The following KLHL32 variants were observed in gnomAD, a reference collection of about 807,000 sequenced individuals.
KLHL32 encodes the protein kelch like family member 32.
A neutral mutation model predicts 64.8 loss-of-function variants in KLHL32; 35 were observed. The ratio of observed to expected loss-of-function variants is 0.54; its 90% CI spans 0.41 to 0.72. KLHL32 has a LOEUF of 0.72. Ranked by LOEUF, KLHL32 falls within the 30% of genes least tolerant of loss-of-function variation. The pLI is 0.00. For missense variants in KLHL32, 589 were observed against 768.5 expected (o/e 0.77, Z 2.76); for synonymous variants, 259 against 281.0 (o/e 0.92, Z 0.78).
chr6:97,082,698 C>G (rs1792760748), intron 5 of KLHL32, among the ~76,000 whole-genome samples: 1 of 151,984 alleles, frequency 6.6e-6, no homozygotes, highest in African/African-American at 2.4e-5. Context: ...GTGGGATATC[C>G]AAGAGACAGC....
At chr6:96,995,391 G>A (rs6922974) in intron 3 of KLHL32, among the ~76,000 whole-genome samples, 37,285 of 152,004 alleles carry the variant, frequency 0.25, 5,909 homozygotes, top group East Asian at 0.53. Context: ...CTTGCTTAGA[G>A]CATTCCAGTA....
At chr6:96,902,787 G>C in the KLHL32 span, among the ~76,000 whole-genome samples, 1 of 152,134 alleles carries the variant, frequency 6.6e-6, no homozygotes, top group African/African-American at 2.4e-5. Context: ...AAGGGGTCCA[G>C]TTTTAATTTT....
intron 3 of KLHL32, chr6:97,010,369 C>T (rs1780241643): frequency 6.6e-6 from 1 of 152,106 alleles, no homozygotes; most frequent in African/African-American, 2.4e-5. Context: ...GTCTGTCTCT[C>T]CCTCTCCCCC....
intron 4 of KLHL32, among the ~76,000 whole-genome samples, chr6:97,056,326 T>C (rs141326473): frequency 0.05 from 7,635 of 152,022 alleles, 359 homozygotes; most frequent in East Asian, 0.24. Context: ...AGGATGGTCT[T>C]GATCTCCTGA....
chr6:97,031,341 A>G lies in KLHL32; in HGVS notation c.205-10151A>G, dbSNP rs556215144. 2.9e-3 allele frequency among the ~76,000 whole-genome samples: 422 copies of G among 147,368 alleles called. 3 individuals carry two copies. Among genetic ancestry groups the G allele is most frequent in the African/African-American group, 9.9e-3 (401 of 40,328 alleles). On this transcript the variant is annotated intron_variant, in intron 3 of 10. Coordinates refer to ENST00000369261, the MANE Select transcript of KLHL32 (RefSeq NM_052904.4). The stretch of plus-strand genomic sequence containing the variant: ...AAATTATAAGCATTAAGTTTTTAAC[A>G]TTTTTTTTTTTTGAGATAGAGTCTC...
intron 6 of KLHL32, among the ~76,000 whole-genome samples, chr6:97,100,512 C>T (rs1022447429): frequency 6.6e-6 from 1 of 152,206 alleles, no homozygotes. Flanking sequence ...CCATGCCAGT[C>T]TCTGTGCCCC....
intron 6 of KLHL32, 140 bp from the exon 7 acceptor site, chr6:97,113,643 A>G (rs1797467620): frequency 8.5e-7 from 1 of 1,173,500 alleles, no homozygotes. Context: ...TGGGCTTCAA[A>G]ATATTCCAGT....
intron 5 of KLHL32, among the ~76,000 whole-genome samples, chr6:97,080,709 G>A (rs1295480776): frequency 1.3e-5 from 2 of 152,184 alleles, no homozygotes; most frequent in Admixed American, 6.5e-5. Context: ...GGATACAGTG[G>A]TGAACAAACC....
chr6:97,037,400 A>C (rs1353282327), intron 3 of KLHL32, among the ~76,000 whole-genome samples: 6 of 137,178 alleles, frequency 4.4e-5, no homozygotes, highest in Non-Finnish European at 9.1e-5. Context: ...TGAGGATAAA[A>C]AAATAACATT....
At chr6:97,113,097 A>G (rs1032657206) in intron 6 of KLHL32, among the ~76,000 whole-genome samples, 1 of 152,152 alleles carries the variant, frequency 6.6e-6, no homozygotes, top group African/African-American at 2.4e-5. Flanking sequence ...GACTCTAACA[A>G]ATTTCCAGTA....
intron 4 of KLHL32, among the ~76,000 whole-genome samples, chr6:97,043,143 A>G (rs537781389): frequency 1.3e-5 from 2 of 152,352 alleles, no homozygotes; most frequent in South Asian, 2.1e-4. Context: ...CTGCAGAACC[A>G]TAAGCCAAAT....
intron 8 of KLHL32, 110 bp from the exon 9 acceptor site, chr6:97,130,647 A>G: frequency 1.4e-6 from 1 of 734,354 alleles, no homozygotes; most frequent in Admixed American, 3.0e-5. Context: ...CAGAATGTTG[A>G]TCTATTGATT....
At chr6:97,083,749 C>T (rs1432683098) in intron 5 of KLHL32, among the ~76,000 whole-genome samples, 2 of 152,138 alleles carry the variant, frequency 1.3e-5, no homozygotes, top group East Asian at 1.9e-4. Flanking sequence ...CTTTTTATAA[C>T]TAGAAATGGC....
the KLHL32 span, among the ~76,000 whole-genome samples, chr6:96,901,426 C>T: frequency 6.6e-6 from 1 of 151,546 alleles, no homozygotes; most frequent in Non-Finnish European, 1.5e-5. Context: ...GTCACATTTC[C>T]TTCTCTGTGA....
Position 97,064,485 on chromosome 6 carries a change from G to C in KLHL32, c.313-143G>C, listed in dbSNP as rs1019949261. The C allele has an allele frequency of 6.3e-6, 4 of 637,808 alleles. No homozygotes were observed. The African/African-American group carries it at 7.4e-5, about 12-fold the overall frequency. The allele number at this position is 637,808 out of a possible 1,614,324, so 39.5% of individuals were successfully genotyped here. A position where few individuals can be genotyped will look rare whatever the true frequency, so the allele number is the denominator to read the frequency against. On this transcript the variant is annotated intron_variant, in intron 4 of 10. Transcript: ENST00000369261. The stretch of plus-strand genomic sequence containing the variant: ...TAATCAGAACAGGAAGAGAAGAACT[G>C]ACTTCCATAAAAAGGAACAGTGTTA...
chr6:96,965,174 T>G (rs1774318224), intron 1 of KLHL32, among the ~76,000 whole-genome samples: 1 of 152,216 alleles, frequency 6.6e-6, no homozygotes, highest in Non-Finnish European at 1.5e-5. Context: ...AAGGACAAGA[T>G]TTTCTTCTTT....
At position 97,063,116 on chromosome 6, in the gene KLHL32, C is replaced by T. The variant is rs146160970; in HGVS notation, c.313-1512C>T. Among the ~76,000 whole-genome samples, 985 of 152,216 alleles carry T rather than the reference C, an allele frequency of 6.5e-3. 4 individuals carry two copies. The highest frequency in any genetic ancestry group is 0.015 in the South Asian group (71 of 4,822). On this transcript the variant is annotated intron_variant, in intron 4 of 10. Coordinates refer to ENST00000369261, the MANE Select transcript of KLHL32 (RefSeq NM_052904.4). Reference sequence around the variant, plus strand: ...TGATTTCATTTGTGGTTTTAAAGAACCAGTCTGGTTGATATTATTAAAACA... The same window carrying T: ...TGATTTCATTTGTGGTTTTAAAGAATCAGTCTGGTTGATATTATTAAAACA...
intron 7 of KLHL32, 65 bp from the exon 8 acceptor site, chr6:97,127,339 T>G: frequency 1.5e-6 from 2 of 1,328,740 alleles, no homozygotes; most frequent in Non-Finnish European, 2.2e-6. Context: ...TTGTATCTCA[T>G]TCTTATGTTG....
intron 3 of KLHL32, among the ~76,000 whole-genome samples, chr6:97,019,386 C>T (rs886500140): frequency 1.3e-5 from 2 of 152,182 alleles, no homozygotes; most frequent in Non-Finnish European, 2.9e-5. Flanking sequence ...CCAACGACAG[C>T]CTCAGTGGAC....
Sources: allele counts gnomAD v4.1 joint callset (sites outside exome capture counted in the v4.1 genomes callset), GRCh38; gene constraint gnomAD v4.1.1; transcripts MANE v1.5; gene names NCBI Gene and HGNC (gene_info 2026-07-23, HGNC 2026-07-21).